Variants in ABCC12 observed in about 807,000 individuals in gnomAD.
ABCC12 encodes the protein ATP-binding cassette sub-family C member 12.
Under a neutral mutation model 151.1 loss-of-function variants are expected in ABCC12, and 142 were observed. The observed-to-expected ratio is 0.94, with a 90% CI of 0.82 to 1.08. ABCC12 has a LOEUF of 1.08. Ranked by LOEUF, ABCC12 falls within the 50% of genes least tolerant of loss-of-function variation. The pLI, the probability that ABCC12 is intolerant of heterozygous loss-of-function variation, is 0.00. For missense variants in ABCC12, 1,638 were observed against 1,691.1 expected (o/e 0.97, Z 0.55); for synonymous variants, 645 against 646.4 (o/e 1.00, Z 0.03).
intron 19 of ABCC12, 111 bp from the exon 20 acceptor site, chr16:48,107,536 A>C: frequency 1.1e-6 from 1 of 903,438 alleles, no homozygotes. Flanking sequence ...CAGGAAAAGG[A>C]CTCCCACGCC....
chr16:48,085,930 A>G (rs1254171594), intron 28 of ABCC12, among the ~76,000 whole-genome samples: 2 of 152,168 alleles, frequency 1.3e-5, no homozygotes, highest in Non-Finnish European at 2.9e-5. Flanking sequence ...GACTCATAGA[A>G]CCCCATAGAC....
intron 15 of ABCC12, among the ~76,000 whole-genome samples, chr16:48,114,863 G>T (rs1322455060): frequency 6.6e-6 from 1 of 152,290 alleles, no homozygotes; most frequent in African/African-American, 2.4e-5. Flanking sequence ...TGAGATTCAT[G>T]CTCCTTAGCC....
intron 6 of ABCC12, among the ~76,000 whole-genome samples, chr16:48,140,381 GTGCT>G (rs1182602986): frequency 2.6e-5 from 4 of 152,068 alleles, no homozygotes; most frequent in African/African-American, 9.7e-5. Flanking sequence ...TGCCTATAGT[GTGCT>G]CAGTACTCCT....
At position 48,081,005 on chromosome 16, in the gene ABCC12, T is replaced by G. The variant is rs1962321509; in HGVS notation, c.*2710A>C. Among the ~76,000 whole-genome samples, 1 of 152,154 alleles carries G rather than the reference T, an allele frequency of 6.6e-6. No individual in the cohort carries two copies. Among genetic ancestry groups the G allele is most frequent in the African/African-American group, 2.4e-5 (1 of 41,442 alleles). Reference sequence around the variant, plus strand: ...CCTCACAGATGATGCCTTCTATGTGTCCTCACATGGAGGAAGGGGTGAACA... The same window carrying G: ...CCTCACAGATGATGCCTTCTATGTGGCCTCACATGGAGGAAGGGGTGAACA... On this transcript the variant is annotated 3_prime_UTR_variant, in exon 31 of 31. Coordinates refer to ENST00000311303, the MANE Select transcript of ABCC12 (RefSeq NM_001393797.1).
At chr16:48,135,077 C>T (rs1964563111) in intron 8 of ABCC12, among the ~76,000 whole-genome samples, 1 of 151,876 alleles carries the variant, frequency 6.6e-6, no homozygotes, top group Non-Finnish European at 1.5e-5. Flanking sequence ...AGATACCCCA[C>T]CCTTTCAGGC....
In ABCC12 at chr16:48,131,594, A is replaced by G. The variant is rs186571183; in HGVS notation, c.1129-699T>C. ...AATATTCTACAGCCTCAATGAAAAC[A>G]AGCCTTCTCCCTTCGGTTGGTGCCC... On this transcript the variant is annotated intron_variant, in intron 9 of 30. Transcript: ENST00000311303. Among the ~76,000 whole-genome samples the G allele has an allele frequency of 2.8e-3, 432 of 152,296 alleles. 1 individual carries two copies. Among genetic ancestry groups the G allele is most frequent in the African/African-American group, 0.01 (424 of 41,568 alleles).
chr16:48,108,371 A>G (rs1421634046), intron 19 of ABCC12, 69 bp downstream of exon 19: 4 of 1,375,350 alleles, frequency 2.9e-6, no homozygotes, highest in Non-Finnish European at 4.1e-6. Context: ...TAAAACGTGA[A>G]CCCAACAGTT....
Position 48,082,063 on chromosome 16 carries a change from G to A in ABCC12, c.*1652C>T, listed in dbSNP as rs542763610. ...TGTGGGTTTAATGACCTTCAGTCAG[G>A]GTCATGCACCATGGGGGAAAGCTCA... On this transcript the variant is annotated 3_prime_UTR_variant, in exon 31 of 31. Transcript: ENST00000311303. Among the ~76,000 whole-genome samples, 1 of 152,290 alleles carries A rather than the reference G, an allele frequency of 6.6e-6. No individual in the cohort carries two copies. The highest frequency in any genetic ancestry group is 1.5e-5 in the Non-Finnish European group (1 of 68,016).
chr16:48,152,617 C>G (rs906725430), intron 2 of ABCC12, among the ~76,000 whole-genome samples: 1 of 152,180 alleles, frequency 6.6e-6, no homozygotes, highest in African/African-American at 2.4e-5. Flanking sequence ...TCATAGAATC[C>G]AAGACATGGC....
At chr16:48,107,300 C>T in intron 20 of ABCC12, 22 bp downstream of exon 20, 2 of 1,604,816 alleles carry the variant, frequency 1.2e-6, no homozygotes, top group Non-Finnish European at 1.7e-6. Context: ...TCGGCATCTT[C>T]CAATGCCAAA....
chr16:48,111,995 T>C (rs1428446718), intron 15 of ABCC12, 85 bp from the exon 16 acceptor site: 85 of 1,511,096 alleles, frequency 5.6e-5, no homozygotes, highest in Admixed American at 1.2e-4. Context: ...GTTACCACTG[T>C]TGACTTTAGG....
intron 2 of ABCC12, among the ~76,000 whole-genome samples, chr16:48,149,925 TA>T (rs2150685824): frequency 6.6e-6 from 1 of 152,322 alleles, no homozygotes; most frequent in African/African-American, 2.4e-5. Context: ...TTTAAAAGTC[TA>T]AAAATTGCAA....
At chr16:48,116,732 C>A (rs1172473146) in intron 14 of ABCC12, among the ~76,000 whole-genome samples, 1 of 152,140 alleles carries the variant, frequency 6.6e-6, no homozygotes, top group African/African-American at 2.4e-5. Context: ...GGCTCCTGGG[C>A]AAGGTGAGGA....
At chr16:48,087,841 C>T in intron 27 of ABCC12, 85 bp downstream of exon 27, 3 of 1,431,028 alleles carry the variant, frequency 2.1e-6, no homozygotes, top group Middle Eastern at 2.1e-4. Flanking sequence ...CCAGGCCAGC[C>T]ATGCCCTGGG....
chr16:48,113,353 C>T lies in ABCC12; in HGVS notation c.1990-1443G>A, dbSNP rs184965103. ...GAAACTGAGACACCATAAGCCTGTT[C>T]CAGTCCCATAGCCACAGCACACGCT... On this transcript the variant is annotated intron_variant, in intron 15 of 30. Transcript: ENST00000311303. Among the ~76,000 whole-genome samples the T allele has an allele frequency of 2.6e-5, 4 of 152,330 alleles. No homozygotes were observed. In the East Asian group the frequency reaches 5.8e-4, roughly 22 times the overall value.
chr16:48,106,972 AG>A (rs1963514368), intron 20 of ABCC12, among the ~76,000 whole-genome samples: 1 of 152,204 alleles, frequency 6.6e-6, no homozygotes, highest in Non-Finnish European at 1.5e-5. Flanking sequence ...GTTTCTCTTT[AG>A]GAAGACACAA....
rs544051196 is a variant in ABCC12 at position 48,120,981 on chromosome 16, C to T, written c.1712+735G>A. 5.1e-4 allele frequency among the ~76,000 whole-genome samples: 77 copies of T among 152,152 alleles called. 1 individual carries two copies. Among genetic ancestry groups the T allele is most frequent in the Non-Finnish European group, 7.1e-4 (48 of 68,038 alleles). ...TGAAAACATTTACAATATACTATTT[C>T]AGTACTTTTGAAATATATAATACAT... On this transcript the variant is annotated intron_variant, in intron 13 of 30. Coordinates refer to ENST00000311303, the MANE Select transcript of ABCC12 (RefSeq NM_001393797.1).
intron 18 of ABCC12, among the ~76,000 whole-genome samples, chr16:48,111,221 G>A (rs1049205013): frequency 3.9e-5 from 6 of 152,198 alleles, no homozygotes; most frequent in African/African-American, 1.4e-4. Context: ...AAGGTTCAGA[G>A]TGGCCAAGTA....
At position 48,140,700 on chromosome 16, in the gene ABCC12, A is replaced by T; in HGVS notation, c.644T>A (p.Ile215Asn). ...GAGCCAGCTTACCTCGCCAACAGAG[A>T]TGTGGGTCAATGTCTTGAAGGACAC... ...NLVSFKTLTH[I>N]SVGEVLNILS... Residue 215 changes from isoleucine to asparagine, a missense_variant, in exon 6 of 31, where the codon ATC becomes AAC. Physicochemically the swap from Ile to Asn is moderately radical, Grantham distance 149. Transcript: ENST00000311303. 6.2e-7 allele frequency: 1 copy of T among 1,614,094 alleles called. No individual in the cohort carries two copies. Among genetic ancestry groups the T allele is most frequent in the Non-Finnish European group, 8.5e-7 (1 of 1,179,974 alleles).
Sources: allele counts gnomAD v4.1 joint callset (sites outside exome capture counted in the v4.1 genomes callset), GRCh38; gene constraint gnomAD v4.1.1; transcripts MANE v1.5; gene names NCBI Gene and HGNC (gene_info 2026-07-23, HGNC 2026-07-21).